PIBF1: variants seen among roughly 807,000 people sequenced by gnomAD.
PIBF1 encodes the protein progesterone immunomodulatory binding factor 1.
Under a neutral mutation model 112.5 loss-of-function variants are expected in PIBF1, and 90 were observed. The ratio of observed to expected loss-of-function variants is 0.80; its 90% confidence interval spans 0.67 to 0.95. The LOEUF (loss-of-function observed/expected upper bound fraction) is 0.95, where lower values mean the gene tolerates loss of function less well. Among genes scored for constraint, PIBF1 ranks in the 40% least tolerant of loss-of-function variants. The pLI is 0.00. For missense variants in PIBF1, 915 were observed against 852.3 expected (o/e 1.07, Z -0.92); for synonymous variants, 301 against 288.6 (o/e 1.04, Z -0.44).
intron 9 of PIBF1, among the ~76,000 whole-genome samples, chr13:72,845,287 C>T (rs1406824952): frequency 6.6e-6 from 1 of 152,096 alleles, no homozygotes; most frequent in East Asian, 1.9e-4. Flanking sequence ...TTTCTAGCTT[C>T]GTATCCATGT....
At chr13:72,789,662 T>C (rs988472021) in intron 2 of PIBF1, among the ~76,000 whole-genome samples, 6 of 152,126 alleles carry the variant, frequency 3.9e-5, no homozygotes, top group Non-Finnish European at 4.4e-5. Context: ...GTTTTTTTTT[T>C]CCTCGTGATA....
intron 11 of PIBF1, among the ~76,000 whole-genome samples, chr13:72,902,294 G>A (rs931343168): frequency 6.7e-6 from 1 of 148,164 alleles, no homozygotes. Flanking sequence ...ATACTGCCCC[G>A]GTTGATGGGT....
intron 4 of PIBF1, among the ~76,000 whole-genome samples, chr13:72,796,999 C>A (rs2035230613): frequency 6.6e-6 from 1 of 152,076 alleles, no homozygotes; most frequent in Non-Finnish European, 1.5e-5. Flanking sequence ...CCTAATTACT[C>A]TCTCCTAATT....
At chr13:72,809,980 A>C (rs1273110163) in intron 5 of PIBF1, among the ~76,000 whole-genome samples, 1 of 152,132 alleles carries the variant, frequency 6.6e-6, no homozygotes, top group Non-Finnish European at 1.5e-5. Context: ...AATTTTTTCC[A>C]GATCTTTAGT....
At chr13:72,942,904 G>A (rs1452978623) in intron 14 of PIBF1, among the ~76,000 whole-genome samples, 3 of 152,112 alleles carry the variant, frequency 2.0e-5, no homozygotes, top group African/African-American at 7.2e-5. Context: ...GGGAGTCTGA[G>A]GCAAGAGAAT....
chr13:72,834,201 T>C (rs2037249226), intron 8 of PIBF1, among the ~76,000 whole-genome samples: 1 of 152,234 alleles, frequency 6.6e-6, no homozygotes, highest in Admixed American at 6.5e-5. Flanking sequence ...GCATTGTGTT[T>C]TAACTTATAT....
At chr13:72,994,945 T>C (rs1183934774) in intron 16 of PIBF1, among the ~76,000 whole-genome samples, 1 of 152,152 alleles carries the variant, frequency 6.6e-6, no homozygotes, top group Non-Finnish European at 1.5e-5. Flanking sequence ...ACAATTTATG[T>C]CAAAAAGGTC....
intron 9 of PIBF1, among the ~76,000 whole-genome samples, chr13:72,844,289 T>A (rs1268363283): frequency 6.6e-6 from 1 of 152,206 alleles, no homozygotes; most frequent in Non-Finnish European, 1.5e-5. Context: ...GATCAAAGAT[T>A]TCCTATCAAA....
At chr13:72,822,636 C>A (rs1566315196) in intron 6 of PIBF1, among the ~76,000 whole-genome samples, 1 of 152,064 alleles carries the variant, frequency 6.6e-6, no homozygotes, top group Non-Finnish European at 1.5e-5. Context: ...AATGGAATGA[C>A]CTTATCTTAA....
At chr13:72,958,119 C>T (rs1328836782) in intron 14 of PIBF1, among the ~76,000 whole-genome samples, 2 of 150,236 alleles carry the variant, frequency 1.3e-5, no homozygotes, top group African/African-American at 4.9e-5. Context: ...GACCTTGCCT[C>T]TTAAAAAAAA....
intron 12 of PIBF1, among the ~76,000 whole-genome samples, chr13:72,909,388 T>C (rs1420932290): frequency 6.6e-6 from 1 of 152,060 alleles, no homozygotes; most frequent in Admixed American, 6.6e-5. Flanking sequence ...GCAAAAAATA[T>C]GCAGTTCTCA....
At chr13:72,935,855 A>G (rs2041856579) in intron 14 of PIBF1, among the ~76,000 whole-genome samples, 1 of 151,692 alleles carries the variant, frequency 6.6e-6, no homozygotes, top group African/African-American at 2.4e-5. Flanking sequence ...GTCTCCTCAC[A>G]TTTTTTGTCT....
intron 9 of PIBF1, among the ~76,000 whole-genome samples, chr13:72,849,887 A>G (rs925925243): frequency 6.6e-5 from 10 of 152,212 alleles, no homozygotes; most frequent in Non-Finnish European, 5.9e-5. Flanking sequence ...GGAGGTAATG[A>G]TACAACTGCT....
At chr13:72,944,420 A>T (rs1207271250) in intron 14 of PIBF1, among the ~76,000 whole-genome samples, 1 of 149,374 alleles carries the variant, frequency 6.7e-6, no homozygotes, top group Non-Finnish European at 1.5e-5. Flanking sequence ...GCAGGACTCT[A>T]GCCTAGGTGA....
intron 9 of PIBF1, among the ~76,000 whole-genome samples, chr13:72,853,094 T>TA (rs2038246101): frequency 6.6e-6 from 1 of 152,168 alleles, no homozygotes; most frequent in Non-Finnish European, 1.5e-5. Flanking sequence ...GAAAGAAACT[T>TA]ACTGTTGGTA....
In PIBF1 at chr13:72,957,383, G is replaced by C. The variant is rs536793560; in HGVS notation, c.1834-7891G>C. ...TTCACACAACCTGGATGGAGTTGGA[G>C]ACCATTATTCTAAGTGAAGTAACTC... is the stretch of plus-strand genomic sequence containing the variant. On this transcript the variant is annotated intron_variant, in intron 14 of 17. Transcript: ENST00000326291. Among the ~76,000 whole-genome samples, 13 of 152,278 alleles carry C rather than the reference G, an allele frequency of 8.5e-5. No homozygotes were observed. The East Asian group carries it at 2.5e-3, about 29-fold the overall frequency.
intron 10 of PIBF1, among the ~76,000 whole-genome samples, chr13:72,868,543 T>G (rs941868922): frequency 3.9e-5 from 6 of 152,226 alleles, no homozygotes; most frequent in Non-Finnish European, 7.3e-5. Flanking sequence ...GAATGGAATG[T>G]TCTGTATGTT....
At chr13:72,832,028 G>A (rs1219252041) in intron 8 of PIBF1, among the ~76,000 whole-genome samples, 1 of 137,580 alleles carries the variant, frequency 7.3e-6, no homozygotes, top group African/African-American at 2.6e-5. Context: ...GATCTTTGTT[G>A]GTTTAAAGTC....
chr13:72,912,021 GAGAA>G (rs142263532), intron 12 of PIBF1, among the ~76,000 whole-genome samples: 21 of 151,188 alleles, frequency 1.4e-4, no homozygotes, highest in Admixed American at 7.3e-4. Flanking sequence ...AGGAAGGAAA[GAGAA>G]AGGAAAAGGA....
Sources: gnomAD v4.1 joint callset for allele counts (sites outside exome capture counted in the v4.1 genomes callset) on GRCh38, gnomAD v4.1.1 for gene constraint, MANE v1.5 for transcripts, NCBI Gene and HGNC (gene_info 2026-07-23, HGNC 2026-07-21) for gene names.